Variants in CLMP observed in about 807,000 individuals in gnomAD.
CLMP encodes the protein CXADR-like membrane protein.
CLMP carries 27 observed loss-of-function variants against 45.2 expected under a neutral mutation model. The observed-to-expected ratio is 0.60, with a 90% confidence interval of 0.44 to 0.82. The LOEUF (loss-of-function observed/expected upper bound fraction) is 0.82. Ranked by LOEUF, CLMP falls within the 40% of genes least tolerant of loss-of-function variation. The pLI is 0.00. For synonymous variants in CLMP, 167 were observed against 171.4 expected (o/e 0.97, Z 0.20); for missense variants, 403 against 448.4 (o/e 0.90, Z 0.91).
At chr11:123,114,884 G>A (rs990025120) in intron 1 of CLMP, among the ~76,000 whole-genome samples, 1 of 152,066 alleles carries the variant, frequency 6.6e-6, no homozygotes, top group Non-Finnish European at 1.5e-5. Context: ...CACAGATTAC[G>A]AGGAATTGAG....
chr11:123,141,671 T>C (rs1311263352), intron 1 of CLMP, among the ~76,000 whole-genome samples: 2 of 152,188 alleles, frequency 1.3e-5, no homozygotes, highest in Admixed American at 1.3e-4. Context: ...TGATTCTGGT[T>C]CAGAATGGGC....
intron 2 of CLMP, among the ~76,000 whole-genome samples, chr11:123,089,371 AAC>A (rs1419401999): frequency 6.6e-6 from 1 of 152,082 alleles, no homozygotes; most frequent in Non-Finnish European, 1.5e-5. Context: ...AAAAAAAAGA[AAC>A]ACATTTTTCT....
chr11:123,085,781 T>TG (rs1565378328), intron 2 of CLMP, among the ~76,000 whole-genome samples: 1 of 142,520 alleles, frequency 7.0e-6, no homozygotes, highest in Non-Finnish European at 1.5e-5. Context: ...TTTTTTTTTT[T>TG]TGTTTTTTTT....
intron 1 of CLMP, among the ~76,000 whole-genome samples, chr11:123,119,827 G>A (rs1860788066): frequency 6.6e-6 from 1 of 151,922 alleles, no homozygotes; most frequent in Non-Finnish European, 1.5e-5. Context: ...GTTGGGATTA[G>A]AGGCACACGC....
At chr11:123,181,981 G>T (rs146894059) in intron 1 of CLMP, among the ~76,000 whole-genome samples, 120 of 152,248 alleles carry the variant, frequency 7.9e-4, no homozygotes, top group Admixed American at 1.3e-3. Context: ...AGAGAAAGTC[G>T]ACAAATGTGG....
intron 1 of CLMP, among the ~76,000 whole-genome samples, chr11:123,124,877 A>G (rs1046682256): frequency 1.1e-4 from 17 of 152,184 alleles, no homozygotes; most frequent in African/African-American, 3.1e-4. Context: ...ATATATACAT[A>G]TGGAGTGGAA....
intron 1 of CLMP, among the ~76,000 whole-genome samples, chr11:123,166,126 A>G (rs931619600): frequency 6.6e-6 from 1 of 151,978 alleles, no homozygotes; most frequent in Non-Finnish European, 1.5e-5. Context: ...CATTCATTCC[A>G]CCTTCCAACC....
At chr11:123,145,470 T>TG (rs1565396124) in intron 1 of CLMP, among the ~76,000 whole-genome samples, 1 of 103,678 alleles carries the variant, frequency 9.6e-6, no homozygotes, top group African/African-American at 4.6e-5. Flanking sequence ...TTTTTTTTTT[T>TG]TTTTTTTTTG....
chr11:123,119,020 T>C (rs1300288430), intron 1 of CLMP, among the ~76,000 whole-genome samples: 9 of 41,526 alleles, frequency 2.2e-4, no homozygotes, highest in Admixed American at 5.5e-4. Context: ...TCTCTCTCTC[T>C]CTCTCTCTCT....
chr11:123,139,935 G>A (rs1012606515), intron 1 of CLMP, among the ~76,000 whole-genome samples: 4 of 152,218 alleles, frequency 2.6e-5, no homozygotes, highest in African/African-American at 4.8e-5. Flanking sequence ...GGCGATAAAA[G>A]GGTATTCAAC....
intron 1 of CLMP, among the ~76,000 whole-genome samples, chr11:123,175,946 A>G (rs1291996813): frequency 6.6e-6 from 1 of 152,246 alleles, no homozygotes; most frequent in African/African-American, 2.4e-5. Flanking sequence ...AATGCTAGCC[A>G]TTCCCTAGCA....
intron 5 of CLMP, among the ~76,000 whole-genome samples, chr11:123,078,116 GA>G (rs995946801): frequency 2.0e-5 from 3 of 149,954 alleles, no homozygotes; most frequent in East Asian, 2.0e-4. Flanking sequence ...CAAAAAAAAA[GA>G]AAAAAAAATC....
chr11:123,122,426 G>A (rs771759644), intron 1 of CLMP, among the ~76,000 whole-genome samples: 11 of 152,244 alleles, frequency 7.2e-5, no homozygotes, highest in Admixed American at 1.3e-4. Flanking sequence ...TGTCGACTGC[G>A]ATACTGACTG....
intron 1 of CLMP, among the ~76,000 whole-genome samples, chr11:123,145,684 G>C (rs941917723): frequency 2.6e-5 from 4 of 151,982 alleles, no homozygotes; most frequent in Non-Finnish European, 2.9e-5. Context: ...GGCTGGTATC[G>C]AGCTGCTGAT....
intron 2 of CLMP, among the ~76,000 whole-genome samples, chr11:123,087,312 G>C (rs1437120982): frequency 6.6e-6 from 1 of 151,696 alleles, no homozygotes; most frequent in African/African-American, 2.4e-5. Flanking sequence ...ACTGCAGTCT[G>C]AGCAACAAGA....
At chr11:123,191,799 A>G (rs769573256) in intron 1 of CLMP, among the ~76,000 whole-genome samples, 6 of 152,222 alleles carry the variant, frequency 3.9e-5, no homozygotes, top group Non-Finnish European at 7.3e-5. Flanking sequence ...ATAGTTCACA[A>G]GTGTTTATGC....
intron 1 of CLMP, among the ~76,000 whole-genome samples, chr11:123,172,050 G>A (rs1207387045): frequency 3.3e-5 from 5 of 151,828 alleles, no homozygotes; most frequent in African/African-American, 1.2e-4. Flanking sequence ...TATATTATGA[G>A]CATTTATCCA....
rs1373351235 is a variant in CLMP, at chr11:123,074,712, T to C, written c.811A>G (p.Asn271Asp). Reference sequence around the variant, plus strand: ...ATGTGGGAGGTTTACCGAATTTCATTAGGTCTCTCTTCTTCCTCATATCTT... The same window carrying C: ...ATGTGGGAGGTTTACCGAATTTCATCAGGTCTCTCTTCTTCCTCATATCTT... ...KERYEEEERP[N>D]EIREDAEAPK... The change falls in exon 6 of 7, where the codon AAT (asparagine) becomes GAT (aspartate). Residue 271 changes from asparagine to aspartate, a missense_variant. Asn to Asp is a conservative substitution (Grantham distance 23, BLOSUM62 1). Transcript: ENST00000448775. 9.9e-6 allele frequency: 16 copies of C among 1,613,932 alleles called. No homozygotes were observed. Among genetic ancestry groups the C allele is most frequent in the Non-Finnish European group, 1.2e-5 (14 of 1,179,998 alleles).
intron 1 of CLMP, chr11:123,136,434 C>T: frequency 2.1e-5 from 8 of 384,618 alleles, no homozygotes; most frequent in Non-Finnish European, 3.7e-5. Flanking sequence ...CCCCGCCCTC[C>T]TTGTCCCCCC....
Sources: gnomAD v4.1 joint callset for allele counts (sites outside exome capture counted in the v4.1 genomes callset) on GRCh38, gnomAD v4.1.1 for gene constraint, MANE v1.5 for transcripts, NCBI Gene and HGNC (gene_info 2026-07-23, HGNC 2026-07-21) for gene names.